The following PRKN variants were observed in gnomAD, a reference collection of about 807,000 sequenced individuals.
PRKN encodes parkin RBR E3 ubiquitin protein ligase.
Under a neutral mutation model 59.5 loss-of-function variants are expected in PRKN, and 56 were observed. That is an observed-to-expected ratio of 0.94 (90% CI 0.76 to 1.18). The LOEUF (loss-of-function observed/expected upper bound fraction) is 1.18. Ranked by LOEUF, PRKN falls within the 50% of genes most tolerant of loss-of-function variation. The pLI, the probability that PRKN is intolerant of heterozygous loss-of-function variation, is 0.00. For missense variants in PRKN, 657 were observed against 596.4 expected (o/e 1.10, Z -1.06); for synonymous variants, 250 against 222.1 (o/e 1.13, Z -1.12).
intron 6 of PRKN, among the ~76,000 whole-genome samples, chr6:161,835,731 G>A (rs988624505): frequency 2.0e-5 from 3 of 152,188 alleles, no homozygotes; most frequent in Admixed American, 1.3e-4. Context: ...CTATCAGCCG[G>A]CAGCACGTGC....
At chr6:161,646,470 G>A (rs1253427229) in intron 7 of PRKN, among the ~76,000 whole-genome samples, 1 of 118,776 alleles carries the variant, frequency 8.4e-6, no homozygotes, top group Non-Finnish European at 1.9e-5. Context: ...ATTAGTGACA[G>A]TGGTGACTGC....
rs12190299 is a variant in PRKN, at chr6:161,750,433, G to A, written c.871+35339C>T. Among the ~76,000 whole-genome samples the A allele has an allele frequency of 3.9e-5, 6 of 151,908 alleles. No homozygotes were observed. The East Asian group carries it at 7.8e-4, about 20-fold the overall frequency. On this transcript the variant is annotated intron_variant, in intron 7 of 11. Transcript: ENST00000366898. ...AGCTATAAATGAGGCATCATGGCAT[G>A]TTTTTTTCTTCCTGACAAATCCATA... is the stretch of plus-strand genomic sequence containing the variant.
chr6:161,980,318 C>T (rs1159316021), intron 5 of PRKN, among the ~76,000 whole-genome samples: 1 of 152,170 alleles, frequency 6.6e-6, no homozygotes, highest in Admixed American at 6.5e-5. Flanking sequence ...AAAAAACTAT[C>T]CTTCTCTTGA....
At chr6:161,809,046 G>T (rs375528165) in intron 6 of PRKN, among the ~76,000 whole-genome samples, 6 of 152,074 alleles carry the variant, frequency 3.9e-5, no homozygotes, top group East Asian at 1.9e-4. Flanking sequence ...TCTACTTGTT[G>T]CCAAGGCTGA....
At chr6:162,437,514 G>A (rs774698474) in intron 2 of PRKN, among the ~76,000 whole-genome samples, 2 of 152,108 alleles carry the variant, frequency 1.3e-5, no homozygotes, top group Non-Finnish European at 2.9e-5. Context: ...GTTACAGTCA[G>A]CACAGAGGAC....
chr6:161,956,525 C>T (rs1619358), intron 6 of PRKN, among the ~76,000 whole-genome samples: 35,254 of 151,926 alleles, frequency 0.23, 5,021 homozygotes, highest in East Asian at 0.32. Flanking sequence ...GAAAGCATTC[C>T]ACTGTATTTA....
intron 10 of PRKN, among the ~76,000 whole-genome samples, chr6:161,370,610 A>AAAAAAAAAAAAAAAC (rs1362798633): frequency 6.6e-6 from 1 of 150,686 alleles, no homozygotes. Context: ...AAAAAAAAAA[A>AAAAAAAAAAAAAAAC]AGCCGAATTA....
chr6:161,849,538 C>T (rs1283120454), intron 6 of PRKN, among the ~76,000 whole-genome samples: 1 of 152,134 alleles, frequency 6.6e-6, no homozygotes, highest in Admixed American at 6.5e-5. Flanking sequence ...GCCCTGCCCC[C>T]ACCTTCCTCA....
chr6:161,358,788 C>CTTTTTTTTTT (rs34428983), intron 11 of PRKN, among the ~76,000 whole-genome samples: 4 of 67,820 alleles, frequency 5.9e-5, no homozygotes, highest in African/African-American at 6.6e-5. Context: ...GCCTTCTGCT[C>CTTTTTTTTTT]TTTTTTTTTT....
At chr6:162,178,647 T>C (rs114001355) in intron 4 of PRKN, among the ~76,000 whole-genome samples, 1 of 152,176 alleles carries the variant, frequency 6.6e-6, no homozygotes, top group African/African-American at 2.4e-5. Context: ...GGTGGACATG[T>C]TTGTGTGTTC....
At chr6:162,022,819 T>C (rs1038597399) in intron 5 of PRKN, among the ~76,000 whole-genome samples, 1 of 152,152 alleles carries the variant, frequency 6.6e-6, no homozygotes, top group Admixed American at 6.5e-5. Flanking sequence ...TAATCCATCT[T>C]GAGTTAATTT....
intron 4 of PRKN, among the ~76,000 whole-genome samples, chr6:162,102,483 TAAAAG>T (rs1780012688): frequency 1.3e-5 from 2 of 152,218 alleles, no homozygotes; most frequent in Admixed American, 1.3e-4. Flanking sequence ...TTATTAATCT[TAAAAG>T]ATAAGTAAAG....
chr6:161,767,815 C>A (rs192256384), intron 7 of PRKN, among the ~76,000 whole-genome samples: 1 of 151,974 alleles, frequency 6.6e-6, no homozygotes, highest in Non-Finnish European at 1.5e-5. Context: ...AGGGGTCTTC[C>A]GGACACTGCA....
chr6:162,212,808 C>T (rs1035759039), intron 3 of PRKN, among the ~76,000 whole-genome samples: 2 of 152,158 alleles, frequency 1.3e-5, no homozygotes, highest in Non-Finnish European at 1.5e-5. Context: ...ACCTGTAGAG[C>T]ATGTTACTGT....
intron 2 of PRKN, among the ~76,000 whole-genome samples, chr6:162,372,752 AATAAATAAAATTTTTT>A: frequency 6.6e-6 from 1 of 152,344 alleles, no homozygotes; most frequent in Non-Finnish European, 1.5e-5. Context: ...CAAATAAATG[AATAAATAAAATTTTTT>A]AAAATACAGT....
At position 161,462,421 on chromosome 6, in the gene PRKN, G is replaced by A. The variant is rs76934707; in HGVS notation, c.1084-75544C>T. On this transcript the variant is annotated intron_variant, in intron 9 of 11. Transcript: ENST00000366898. This position sits in a 1 kb window ranked among gnomAD's most constrained non-coding sequence, Gnocchi z 4.5. ...GTATTCAGTTAATACTGTAGAACGT[G>A]CTCTTCCATTACCTTGAAGCTAATG... Among the ~76,000 whole-genome samples the A allele has an allele frequency of 6.6e-6, 1 of 152,162 alleles. No homozygotes were observed. Among genetic ancestry groups the A allele is most frequent in the South Asian group, 2.1e-4 (1 of 4,824 alleles).
At position 161,460,090 on chromosome 6, in the gene PRKN, G is replaced by C. The variant is rs6935279; in HGVS notation, c.1084-73213C>G. Among the ~76,000 whole-genome samples the C allele has an allele frequency of 0.19, 29,209 of 152,076 alleles. 4,925 individuals are homozygous for C. Among genetic ancestry groups the C allele is most frequent in the African/African-American group, 0.46 (18,899 of 41,428 alleles). ...CACAGGGTGAAGCAGGCATGGTGCA[G>C]GAATAGTACGAACAAATATAAACAG... is the stretch of plus-strand genomic sequence containing the variant. On this transcript the variant is annotated intron_variant, in intron 9 of 11. Coordinates refer to ENST00000366898, the MANE Select transcript of PRKN (RefSeq NM_004562.3). This position sits in a 1 kb window ranked among gnomAD's most constrained non-coding sequence, Gnocchi z 5.0.
intron 2 of PRKN, among the ~76,000 whole-genome samples, chr6:162,302,238 A>G (rs1432565609): frequency 6.6e-6 from 1 of 152,096 alleles, no homozygotes; most frequent in Non-Finnish European, 1.5e-5. Context: ...CCTTGGACCC[A>G]AGGTAGATGC....
chr6:161,615,995 C>A (rs1281413140), intron 7 of PRKN, among the ~76,000 whole-genome samples: 1 of 152,170 alleles, frequency 6.6e-6, no homozygotes, highest in Non-Finnish European at 1.5e-5. Flanking sequence ...CACTTCTCAC[C>A]AGGACTCCCT....
Sources: allele counts gnomAD v4.1 joint callset (sites outside exome capture counted in the v4.1 genomes callset), GRCh38; gene constraint gnomAD v4.1.1; non-coding constraint Gnocchi (gnomAD v3.1); transcripts MANE v1.5; gene names NCBI Gene and HGNC (gene_info 2026-07-23, HGNC 2026-07-21).